CRYL1: variants seen among roughly 807,000 people sequenced by gnomAD.
CRYL1 encodes the protein crystallin lambda 1.
CRYL1 carries 29 observed loss-of-function variants against 36.6 expected under a neutral mutation model. The observed-to-expected ratio is 0.79, with a 90% confidence interval of 0.59 to 1.08. The LOEUF (loss-of-function observed/expected upper bound fraction) is 1.08, where lower values mean the gene tolerates loss of function less well. Ranked by LOEUF, CRYL1 falls within the 50% of genes least tolerant of loss-of-function variation. The probability of loss-of-function intolerance (pLI) is 0.00; values close to 1 mark genes in which losing one functional copy is unlikely to be tolerated. For missense variants in CRYL1, 411 were observed against 407.9 expected (o/e 1.01, Z -0.06); for synonymous variants, 152 against 151.5 (o/e 1.00, Z -0.02).
chr13:20,471,708 C>G (rs545308089), intron 3 of CRYL1, among the ~76,000 whole-genome samples: 1 of 152,280 alleles, frequency 6.6e-6, no homozygotes, highest in Admixed American at 6.5e-5. Flanking sequence ...ATTAATAATA[C>G]AGTCATCCCC....
intron 3 of CRYL1, chr13:20,440,027 G>A (rs1233098940): frequency 1.2e-5 from 4 of 332,164 alleles, no homozygotes; most frequent in Non-Finnish European, 2.2e-5. Flanking sequence ...TTCCAGAGGT[G>A]CCCTCCCTAC....
intron 3 of CRYL1, among the ~76,000 whole-genome samples, chr13:20,480,730 C>T (rs553008171): frequency 6.6e-6 from 1 of 152,310 alleles, no homozygotes; most frequent in Non-Finnish European, 1.5e-5. Flanking sequence ...GTGGATGCTG[C>T]GGGGACCCAC....
chr13:20,429,922 C>G (rs886239155), intron 5 of CRYL1, among the ~76,000 whole-genome samples: 3 of 152,194 alleles, frequency 2.0e-5, no homozygotes, highest in Non-Finnish European at 2.9e-5. Context: ...TGACCTTGCT[C>G]CTGAAGTAGC....
In CRYL1 at chr13:20,432,237, A is replaced by G. The variant is rs369114579; in HGVS notation, c.498T>C (p.Pro166=). Residue 166 remains proline (P), a synonymous_variant, in exon 5 of 8, where the codon CCT becomes CCC. Transcript: ENST00000298248. ...GGGCGTGGGTTCTGTCCACTGTCGT[A>G]GGGGCCGTCTCCGGGTGGGGGACCA... ...VELVPHPETA[P]TTVDRTHALM... is the part of the protein sequence containing the mutation. 6.2e-7 allele frequency: 1 copy of G among 1,613,414 alleles called. No homozygotes were observed. The highest frequency in any genetic ancestry group is 1.3e-5 in the African/African-American group (1 of 74,690).
At chr13:20,428,990 G>A (rs2031993876) in intron 5 of CRYL1, among the ~76,000 whole-genome samples, 1 of 152,134 alleles carries the variant, frequency 6.6e-6, no homozygotes, top group South Asian at 2.1e-4. Flanking sequence ...TGCTTTATGA[G>A]CCCAGAGGAT....
chr13:20,473,209 C>T (rs183640959), intron 3 of CRYL1: 1 of 152,364 alleles, frequency 6.6e-6, no homozygotes, highest in African/African-American at 2.4e-5. Context: ...ACAGCGTAAA[C>T]AGTAATGTAC....
At chr13:20,446,759 C>T (rs1304403403) in intron 3 of CRYL1, among the ~76,000 whole-genome samples, 1 of 152,116 alleles carries the variant, frequency 6.6e-6, no homozygotes, top group Non-Finnish European at 1.5e-5. Flanking sequence ...TTGTTAATCT[C>T]GAGGCTCTAA....
intron 3 of CRYL1, among the ~76,000 whole-genome samples, chr13:20,467,653 G>A (rs1262953630): frequency 6.6e-6 from 1 of 152,106 alleles, no homozygotes; most frequent in African/African-American, 2.4e-5. Flanking sequence ...GAAACCCATC[G>A]CTACTAAAAA....
At chr13:20,427,324 G>C in intron 5 of CRYL1, 1 of 985,234 alleles carries the variant, frequency 1.0e-6, no homozygotes, top group Non-Finnish European at 1.2e-6. Context: ...GAAACAAAAC[G>C]GAGTGAACAT....
At chr13:20,429,162 A>T (rs2031998823) in intron 5 of CRYL1, among the ~76,000 whole-genome samples, 1 of 152,188 alleles carries the variant, frequency 6.6e-6, no homozygotes, top group Non-Finnish European at 1.5e-5. Context: ...GAAGCTCTGC[A>T]AGGCCTTTGG....
At chr13:20,424,118 T>C (rs2031881152) in intron 5 of CRYL1, among the ~76,000 whole-genome samples, 1 of 152,112 alleles carries the variant, frequency 6.6e-6, no homozygotes, top group African/African-American at 2.4e-5. Flanking sequence ...AATCTTTCAG[T>C]ACTTCCCTGT....
intron 3 of CRYL1, among the ~76,000 whole-genome samples, chr13:20,468,578 A>G (rs2137442082): frequency 6.6e-6 from 1 of 152,294 alleles, no homozygotes; most frequent in Admixed American, 6.5e-5. Context: ...AGAGACACTG[A>G]TATCACCTTC....
intron 2 of CRYL1, among the ~76,000 whole-genome samples, chr13:20,502,776 A>C (rs188706550): frequency 6.6e-6 from 1 of 152,334 alleles, no homozygotes; most frequent in East Asian, 1.9e-4. Context: ...CAATTTCACC[A>C]AAGTTTACAC....
At chr13:20,411,354 G>A (rs1299453866) in intron 6 of CRYL1, among the ~76,000 whole-genome samples, 1 of 152,064 alleles carries the variant, frequency 6.6e-6, no homozygotes, top group Non-Finnish European at 1.5e-5. Context: ...CTTCCTGTCT[G>A]CCACTCTATT....
chr13:20,411,856 A>G (rs141062397), intron 6 of CRYL1, among the ~76,000 whole-genome samples: 1,879 of 152,298 alleles, frequency 0.012, 31 homozygotes, highest in African/African-American at 0.042. Flanking sequence ...GAAGCAGAGA[A>G]CACACGGCCC....
At chr13:20,443,125 T>C (rs1047480358) in intron 3 of CRYL1, among the ~76,000 whole-genome samples, 1 of 152,164 alleles carries the variant, frequency 6.6e-6, no homozygotes, top group African/African-American at 2.4e-5. Context: ...TTTATAAACT[T>C]CAGTGTTTTA....
intron 3 of CRYL1, among the ~76,000 whole-genome samples, chr13:20,461,703 G>A (rs763455551): frequency 1.3e-5 from 2 of 152,038 alleles, no homozygotes; most frequent in East Asian, 1.9e-4. Context: ...TTGGGGGTGG[G>A]AGAAAACCTG....
Position 20,415,912 on chromosome 13 carries a change from A to G in CRYL1, c.634-2525T>C, listed in dbSNP as rs1275156460. Reference sequence around the variant, plus strand: ...TCAGATTCACCTGCGTCATGTGTCCATCTCCTTGATGCAGAGATATGAGTT... The same window carrying G: ...TCAGATTCACCTGCGTCATGTGTCCGTCTCCTTGATGCAGAGATATGAGTT... On this transcript the variant is annotated intron_variant, in intron 5 of 7. Coordinates refer to ENST00000298248, the MANE Select transcript of CRYL1 (RefSeq NM_015974.3). The surrounding 1 kb of genome is among the most constrained non-coding windows in gnomAD (Gnocchi z 4.1). Among the ~76,000 whole-genome samples the G allele has an allele frequency of 6.6e-6, 1 of 152,158 alleles. No individual in the cohort carries two copies.
At chr13:20,489,532 C>T (rs765518017) in intron 2 of CRYL1, 36 bp from the exon 3 acceptor site, 1 of 1,608,220 alleles carries the variant, frequency 6.2e-7, no homozygotes, top group Non-Finnish European at 8.5e-7. Context: ...TGTGAGTATT[C>T]AACACCACAT....
Sources: allele counts gnomAD v4.1 joint callset (sites outside exome capture counted in the v4.1 genomes callset), GRCh38; gene constraint gnomAD v4.1.1; non-coding constraint Gnocchi (gnomAD v3.1); transcripts MANE v1.5; gene names NCBI Gene and HGNC (gene_info 2026-07-23, HGNC 2026-07-21).